Variants in PRELID2 observed in about 807,000 individuals in gnomAD.
PRELID2 encodes PRELI domain-containing protein 2.
PRELID2 carries 25 observed loss-of-function variants against 28.4 expected under a neutral mutation model. The observed-to-expected ratio is 0.88, with a 90% CI of 0.64 to 1.23. The LOEUF (loss-of-function observed/expected upper bound fraction) is 1.23. PRELID2 is among the 50% of genes most tolerant of loss of function. The pLI, the probability that PRELID2 is intolerant of heterozygous loss-of-function variation, is 0.00. For synonymous variants in PRELID2, 76 were observed against 71.6 expected (o/e 1.06, Z -0.31); for missense variants, 201 against 214.4 (o/e 0.94, Z 0.39).
intron 5 of PRELID2, among the ~76,000 whole-genome samples, chr5:145,780,572 C>T (rs1758722584): frequency 6.6e-6 from 1 of 152,156 alleles, no homozygotes; most frequent in Admixed American, 6.5e-5. Flanking sequence ...TATTTACATG[C>T]AGGTAGTACC....
the PRELID2 span, among the ~76,000 whole-genome samples, chr5:145,414,091 A>G: frequency 6.6e-6 from 1 of 152,274 alleles, no homozygotes; most frequent in Admixed American, 6.5e-5. Context: ...CCCTACTGTT[A>G]TCTGACCCTT....
intron 1 of PRELID2, among the ~76,000 whole-genome samples, chr5:145,605,899 G>A (rs1339774727): frequency 2.2e-4 from 34 of 152,010 alleles, no homozygotes; most frequent in Non-Finnish European, 1.5e-5. Context: ...CCATCCATGA[G>A]TATGGAATGT....
chr5:145,813,847 A>G (rs1216473791), intron 4 of PRELID2, among the ~76,000 whole-genome samples: 1 of 152,244 alleles, frequency 6.6e-6, no homozygotes, highest in Non-Finnish European at 1.5e-5. Context: ...GTACCAAAAT[A>G]TAAAATGCAT....
chr5:145,696,421 C>G (rs62392311), intron 1 of PRELID2, among the ~76,000 whole-genome samples: 10,784 of 152,132 alleles, frequency 0.071, 588 homozygotes, highest in Admixed American at 0.18. Flanking sequence ...AATTTATTCA[C>G]CAATATGTCT....
At chr5:145,459,584 A>T in the PRELID2 span, among the ~76,000 whole-genome samples, 2 of 152,296 alleles carry the variant, frequency 1.3e-5, no homozygotes, top group South Asian at 4.1e-4. Context: ...AGTCACAGAC[A>T]CATATTATTT....
intron 1 of PRELID2, among the ~76,000 whole-genome samples, chr5:145,636,948 T>C (rs1427701974): frequency 6.6e-6 from 1 of 152,174 alleles, no homozygotes; most frequent in East Asian, 1.9e-4. Context: ...AAACTTATCT[T>C]TTTATCAAAG....
the PRELID2 span, among the ~76,000 whole-genome samples, chr5:145,458,029 G>A: frequency 6.6e-6 from 1 of 152,218 alleles, no homozygotes; most frequent in Non-Finnish European, 1.5e-5. Context: ...GAGGTTCAGA[G>A]TAGATTTAGA....
intron 1 of PRELID2, among the ~76,000 whole-genome samples, chr5:145,645,319 A>G (rs1754177485): frequency 8.4e-6 from 1 of 119,206 alleles, no homozygotes; most frequent in Non-Finnish European, 1.7e-5. Flanking sequence ...TTTATCAGAG[A>G]TTAGGATTGC....
At chr5:145,760,988 A>C (rs1484498823) in intron 6 of PRELID2, among the ~76,000 whole-genome samples, 2 of 152,218 alleles carry the variant, frequency 1.3e-5, no homozygotes, top group Non-Finnish European at 2.9e-5. Flanking sequence ...TCATGACAAA[A>C]ATCACCTTCT....
chr5:145,522,505 C>T (rs1052479906), intron 1 of PRELID2, among the ~76,000 whole-genome samples: 2 of 152,058 alleles, frequency 1.3e-5, no homozygotes, highest in African/African-American at 4.8e-5. Flanking sequence ...CATGTTTTCA[C>T]TTCTGTATAG....
At chr5:145,541,143 GT>G (rs1215612329) in intron 1 of PRELID2, among the ~76,000 whole-genome samples, 1 of 151,916 alleles carries the variant, frequency 6.6e-6, no homozygotes, top group Non-Finnish European at 1.5e-5. Context: ...TATAATGAAA[GT>G]TTTTTATGCA....
rs77593895 is a variant in PRELID2, at chr5:145,776,819, C to T, written c.475-11819G>A. On this transcript the variant is annotated intron_variant, in intron 5 of 6. Coordinates refer to ENST00000683046, the MANE Select transcript of PRELID2 (RefSeq NM_205846.3). ...GTTCTTGGTTAATCCCTAGGATATTCGTTGTATGATTTGGTTGAGATATCC... is the reference window on the plus strand; with the variant it reads ...GTTCTTGGTTAATCCCTAGGATATTTGTTGTATGATTTGGTTGAGATATCC... Among the ~76,000 whole-genome samples, 94 of 152,272 alleles carry T rather than the reference C, an allele frequency of 6.2e-4. No individual in the cohort carries two copies. In the East Asian group the frequency reaches 0.016, roughly 27 times the overall value.
At chr5:145,465,487 G>A in the PRELID2 span, among the ~76,000 whole-genome samples, 59,361 of 151,886 alleles carry the variant, frequency 0.39, 11,785 homozygotes, top group Non-Finnish European at 0.41. Context: ...ATGAGCAGTA[G>A]GAAGATACAG....
At chr5:145,553,719 C>G (rs183608646) in intron 1 of PRELID2, among the ~76,000 whole-genome samples, 19 of 152,238 alleles carry the variant, frequency 1.2e-4, no homozygotes, top group Non-Finnish European at 2.1e-4. Flanking sequence ...GGTTTTAGAT[C>G]AGATAATGTA....
the PRELID2 span, among the ~76,000 whole-genome samples, chr5:145,286,985 C>T: frequency 2.0e-5 from 3 of 152,176 alleles, no homozygotes; most frequent in African/African-American, 7.2e-5. Flanking sequence ...GCTAGGATTA[C>T]AGGCGTGAGC....
the PRELID2 span, among the ~76,000 whole-genome samples, chr5:145,437,780 A>C: frequency 6.6e-6 from 1 of 152,116 alleles, no homozygotes; most frequent in African/African-American, 2.4e-5. Context: ...GAACCTAATA[A>C]TCTCAAAACT....
intron 1 of PRELID2, among the ~76,000 whole-genome samples, chr5:145,530,071 G>A (rs945065944): frequency 6.6e-6 from 1 of 152,068 alleles, no homozygotes; most frequent in Admixed American, 6.6e-5. Flanking sequence ...CTGATTTTCA[G>A]AAGAGGGTAC....
intron 1 of PRELID2, among the ~76,000 whole-genome samples, chr5:145,577,079 A>G (rs763860164): frequency 2.6e-5 from 4 of 152,146 alleles, no homozygotes; most frequent in Non-Finnish European, 5.9e-5. Flanking sequence ...CAGCCTTCAC[A>G]GAATCTCTAG....
intron 1 of PRELID2, among the ~76,000 whole-genome samples, chr5:145,699,760 C>A (rs1174149549): frequency 6.6e-6 from 1 of 152,192 alleles, no homozygotes; most frequent in Non-Finnish European, 1.5e-5. Context: ...CTCCAGCAAC[C>A]CACTTACCCT....
Sources: gnomAD v4.1 joint callset for allele counts (sites outside exome capture counted in the v4.1 genomes callset) on GRCh38, gnomAD v4.1.1 for gene constraint, MANE v1.5 for transcripts, NCBI Gene and HGNC (gene_info 2026-07-23, HGNC 2026-07-21) for gene names.